The following USP32 variants were observed in gnomAD, a reference collection of about 807,000 sequenced individuals.
The protein encoded by USP32 is ubiquitin carboxyl-terminal hydrolase 32.
USP32 carries 59 observed loss-of-function variants against 204.8 expected under a neutral mutation model. That is an observed-to-expected ratio of 0.29 (90% CI 0.23 to 0.36). The LOEUF (loss-of-function observed/expected upper bound fraction) is 0.36, where lower values mean the gene tolerates loss of function less well. USP32 is among the 10% of genes least tolerant of loss of function. USP32 has a pLI of 1.00. For synonymous variants in USP32, 517 were observed against 678.4 expected (o/e 0.76, Z 3.70); for missense variants, 1,160 against 1,946.4 (o/e 0.60, Z 7.60).
chr17:60,204,659 G>T (rs1055859724), intron 26 of USP32, among the ~76,000 whole-genome samples: 8 of 151,920 alleles, frequency 5.3e-5, no homozygotes, highest in Admixed American at 5.2e-4. Context: ...AGTAGAGATG[G>T]GGTTTCACCA....
At position 60,232,857 on chromosome 17, in the gene USP32, A is replaced by C. The variant is rs199976887; in HGVS notation, c.1239+3281T>G. On this transcript the variant is annotated intron_variant, in intron 12 of 33. Transcript: ENST00000300896. ...CCACCATGCCTGGCATGAAAGAAGA[A>C]ATTTAAATCCTCATATAACTACTGC... 3.0e-4 allele frequency among the ~76,000 whole-genome samples: 45 copies of C among 152,230 alleles called. 1 individual carries two copies. In the East Asian group the frequency reaches 8.7e-3, roughly 29 times the overall value.
intron 1 of USP32, among the ~76,000 whole-genome samples, chr17:60,389,243 C>T (rs2089785922): frequency 6.6e-6 from 1 of 152,082 alleles, no homozygotes; most frequent in African/African-American, 2.4e-5. Context: ...ACATTTTTAG[C>T]TCTATCAAAA....
At chr17:60,409,297 G>A (rs1042234075) in intron 1 of USP32, among the ~76,000 whole-genome samples, 7 of 152,180 alleles carry the variant, frequency 4.6e-5, no homozygotes, top group Admixed American at 6.6e-5. Flanking sequence ...GCAGTGAGCC[G>A]AAATCATGCC....
At chr17:60,284,611 T>C (rs1312501631) in intron 5 of USP32, among the ~76,000 whole-genome samples, 6 of 152,104 alleles carry the variant, frequency 3.9e-5, no homozygotes, top group Non-Finnish European at 8.8e-5. Flanking sequence ...AACGGAGCCA[T>C]TTTTAACATA....
chr17:60,253,364 T>C (rs923827837), intron 10 of USP32, among the ~76,000 whole-genome samples: 2 of 152,014 alleles, frequency 1.3e-5, no homozygotes, highest in African/African-American at 4.8e-5. Context: ...TACAAAAAGT[T>C]CGTACACTCA....
chr17:60,413,876 G>GAAAAAAAAAAAAAAAAA (rs753405307), intron 1 of USP32, among the ~76,000 whole-genome samples: 1 of 95,098 alleles, frequency 1.1e-5, no homozygotes, highest in African/African-American at 3.8e-5. Context: ...AAAAAAAAAA[G>GAAAAAAAAAAAAAAAAA]AAAAAAAAAA....
Position 60,268,007 on chromosome 17 carries a change from C to T in USP32, c.811+1443G>A, listed in dbSNP as rs114527733. ...TGTATTTTTAGCCGAGACTATGTTTCGCCATGTTGGCCAGGCTGATCTTGA... is the reference window on the plus strand; with the variant it reads ...TGTATTTTTAGCCGAGACTATGTTTTGCCATGTTGGCCAGGCTGATCTTGA... On this transcript the variant is annotated intron_variant, in intron 7 of 33. Coordinates refer to ENST00000300896, the MANE Select transcript of USP32 (RefSeq NM_032582.4). Among the ~76,000 whole-genome samples the T allele has an allele frequency of 7.6e-3, 1,152 of 152,028 alleles. 12 individuals carry two copies. Among genetic ancestry groups the T allele is most frequent in the African/African-American group, 0.026 (1,069 of 41,452 alleles).
chr17:60,217,332 G>A (rs1291242905), intron 16 of USP32, among the ~76,000 whole-genome samples: 1 of 152,162 alleles, frequency 6.6e-6, no homozygotes, highest in Non-Finnish European at 1.5e-5. Context: ...GTCTCACTCT[G>A]TTGCCCAGAA....
intron 2 of USP32, among the ~76,000 whole-genome samples, chr17:60,306,798 C>CA (rs2087735589): frequency 6.6e-6 from 1 of 151,850 alleles, no homozygotes; most frequent in African/African-American, 2.4e-5. Flanking sequence ...AAGATTCCAC[C>CA]AAAAAACTGT....
intron 30 of USP32, among the ~76,000 whole-genome samples, chr17:60,184,427 C>A (rs1184332075): frequency 6.6e-6 from 1 of 151,616 alleles, no homozygotes; most frequent in Non-Finnish European, 1.5e-5. Context: ...TTATTAATTT[C>A]TTGTGCATCA....
At chr17:60,329,550 C>T (rs997846152) in intron 2 of USP32, among the ~76,000 whole-genome samples, 8 of 151,590 alleles carry the variant, frequency 5.3e-5, no homozygotes, top group African/African-American at 1.9e-4. Flanking sequence ...CTCAAGCATT[C>T]CTCCCACTTC....
intron 2 of USP32, among the ~76,000 whole-genome samples, chr17:60,312,647 G>A (rs1376831242): frequency 1.3e-5 from 2 of 151,680 alleles, no homozygotes; most frequent in Non-Finnish European, 2.9e-5. Context: ...TTACTATGTT[G>A]CCCAGGCTAA....
chr17:60,390,484 A>G (rs1046328891), intron 1 of USP32, among the ~76,000 whole-genome samples: 1 of 152,240 alleles, frequency 6.6e-6, no homozygotes, highest in Non-Finnish European at 1.5e-5. Context: ...GGGGCAGACA[A>G]AAAAAGTTCA....
chr17:60,266,695 G>A (rs926009419), intron 7 of USP32, among the ~76,000 whole-genome samples: 3 of 147,260 alleles, frequency 2.0e-5, no homozygotes, highest in Non-Finnish European at 4.5e-5. Flanking sequence ...TCACTCTGTC[G>A]CCCAGGCTGT....
chr17:60,342,067 G>C (rs993334989), intron 2 of USP32, among the ~76,000 whole-genome samples: 1 of 152,110 alleles, frequency 6.6e-6, no homozygotes. Flanking sequence ...CTTTGATGTT[G>C]GTGACCCCCA....
chr17:60,321,852 A>G (rs184466650), intron 2 of USP32, among the ~76,000 whole-genome samples: 14 of 151,882 alleles, frequency 9.2e-5, no homozygotes, highest in East Asian at 7.7e-4. Flanking sequence ...CCTCAGTGGT[A>G]ACTATTTTAA....
chr17:60,288,700 A>G lies in USP32; in HGVS notation c.412-18T>C, dbSNP rs2087186705. The G allele has an allele frequency of 1.9e-6, 3 of 1,589,778 alleles. No homozygotes were observed. The highest frequency in any genetic ancestry group is 1.9e-5 in the Admixed American group (1 of 52,426). ...TTTTCACCCTAAAATTAAAACAAGA[A>G]AACATAAGTTTAGTCAAATTTTAAG... On this transcript the variant is annotated intron_variant, in intron 4 of 33. Transcript: ENST00000300896.
At chr17:60,218,233 A>C (rs2085154093) in intron 16 of USP32, among the ~76,000 whole-genome samples, 1 of 151,986 alleles carries the variant, frequency 6.6e-6, no homozygotes. Flanking sequence ...AAATGCAAAA[A>C]ATGAGCCAGG....
intron 11 of USP32, among the ~76,000 whole-genome samples, chr17:60,246,414 T>TA (rs56861981): frequency 0.08 from 10,700 of 134,330 alleles, 451 homozygotes; most frequent in African/African-American, 0.14. Flanking sequence ...TATATATATA[T>TA]TTTTTTTTTT....
Sources: gnomAD v4.1 joint callset for allele counts (sites outside exome capture counted in the v4.1 genomes callset) on GRCh38, gnomAD v4.1.1 for gene constraint, MANE v1.5 for transcripts, NCBI Gene and HGNC (gene_info 2026-07-23, HGNC 2026-07-21) for gene names.